LOXHD1: variants seen among roughly 807,000 people sequenced by gnomAD.
The protein encoded by LOXHD1 is lipoxygenase homology PLAT domains 1, also known as lipoxygenase homology domain-containing protein 1.
In LOXHD1, 205 loss-of-function variants were observed where a neutral mutation model predicts 248.2. The ratio of observed to expected loss-of-function variants is 0.83; its 90% CI spans 0.74 to 0.93. LOXHD1 has a LOEUF of 0.93. LOXHD1 is among the 40% of genes least tolerant of loss of function. The probability of loss-of-function intolerance (pLI) is 0.00; values close to 1 mark genes in which losing one functional copy is unlikely to be tolerated. For missense variants in LOXHD1, 2,930 were observed against 2,971.6 expected (o/e 0.99, Z 0.33); for synonymous variants, 1,113 against 1,162.8 (o/e 0.96, Z 0.87).
At chr18:46,618,125 T>A in intron 5 of LOXHD1, 67 bp downstream of exon 5, 4 of 1,197,664 alleles carry the variant, frequency 3.3e-6, no homozygotes, top group Non-Finnish European at 4.8e-6. Context: ...CTGCCAGGAT[T>A]GTGGGAACCC....
intron 28 of LOXHD1, among the ~76,000 whole-genome samples, chr18:46,532,493 A>G (rs955154899): frequency 3.3e-5 from 5 of 152,346 alleles, no homozygotes; most frequent in East Asian, 3.9e-4. Context: ...GCATGAGAAA[A>G]GAAACCAGCA....
At chr18:46,492,769 T>C (rs965688015) in intron 37 of LOXHD1, among the ~76,000 whole-genome samples, 2 of 152,200 alleles carry the variant, frequency 1.3e-5, no homozygotes, top group Non-Finnish European at 1.5e-5. Flanking sequence ...AGACAAACTA[T>C]ATCAAAATAT....
rs1386230983 is a variant in LOXHD1 at position 46,593,671 on chromosome 18, C to T, written c.1360G>A (p.Gly454Arg). 3.2e-6 allele frequency: 5 copies of T among 1,552,284 alleles called. No individual in the cohort carries two copies. The change falls in exon 10 of 41, where the codon GGG (glycine) becomes AGG (arginine). Residue 454 changes from glycine (G) to arginine (R), a missense_variant. Coordinates refer to ENST00000642948, the MANE Select transcript of LOXHD1 (RefSeq NM_001384474.1). ...TTCAGGAGAATCTCATCTGTCCGCC[C>T]CTTCTGCCCATAAATCTGGATGAAG... ...PIFIQIYGQK[G>R]RTDEILLNPN...
intron 9 of LOXHD1, 49 bp from the exon 10 acceptor site, chr18:46,593,809 T>A (rs1482348556): frequency 1.3e-6 from 2 of 1,540,870 alleles, no homozygotes; most frequent in Non-Finnish European, 1.8e-6. Flanking sequence ...GTGAAGAGAT[T>A]TTCATATTAC....
At chr18:46,654,419 G>A (rs1466319477) in intron 1 of LOXHD1, among the ~76,000 whole-genome samples, 1 of 152,234 alleles carries the variant, frequency 6.6e-6, no homozygotes, top group African/African-American at 2.4e-5. Flanking sequence ...CTGGAAGCCT[G>A]TGCAGGGTGG....
At chr18:46,644,054 T>C (rs563227187) in intron 2 of LOXHD1, among the ~76,000 whole-genome samples, 1 of 152,330 alleles carries the variant, frequency 6.6e-6, no homozygotes, top group South Asian at 2.1e-4. Context: ...CTTGTCTATA[T>C]ACATTTTTAA....
At chr18:46,487,562 A>G (rs1211760566) in intron 38 of LOXHD1, among the ~76,000 whole-genome samples, 2 of 152,214 alleles carry the variant, frequency 1.3e-5, no homozygotes, top group Non-Finnish European at 2.9e-5. Context: ...TGTGGGTTGG[A>G]TGGAGCTGAG....
chr18:46,541,972 G>A, intron 24 of LOXHD1, 32 bp from the exon 25 acceptor site: 1 of 1,535,356 alleles, frequency 6.5e-7, no homozygotes, highest in Non-Finnish European at 8.8e-7. Flanking sequence ...AACCCATCAA[G>A]GACCTGAGCA....
chr18:46,618,159 T>C (rs1194685068), intron 5 of LOXHD1, 33 bp downstream of exon 5: 2 of 1,495,792 alleles, frequency 1.3e-6, no homozygotes, highest in East Asian at 2.5e-5. Context: ...GTCCTGGGCT[T>C]GGCTTATGAA....
rs113726084 is a variant in LOXHD1 at position 46,566,599 on chromosome 18, T to C, written c.2245-150A>G. 14,537 of 720,528 alleles carry C rather than the reference T, an allele frequency of 0.02. 580 individuals are homozygous for C. Among genetic ancestry groups the C allele is most frequent in the African/African-American group, 0.13 (7,255 of 56,766 alleles). The allele number at this position is 720,528 out of a possible 1,614,324, so 44.6% of individuals were successfully genotyped here. ...GATCCATGGGAAAGCTGGAATCCCA[T>C]TCCTGCCCCACCATCAGCCAGCTGG... is the stretch of plus-strand genomic sequence containing the variant. On this transcript the variant is annotated intron_variant, in intron 16 of 40. Transcript: ENST00000642948.
intron 4 of LOXHD1, among the ~76,000 whole-genome samples, chr18:46,632,254 C>T (rs1357240643): frequency 6.6e-6 from 1 of 152,168 alleles, no homozygotes. Flanking sequence ...GGATTTGAAC[C>T]CAGGACTCCA....
intron 21 of LOXHD1, among the ~76,000 whole-genome samples, chr18:46,552,804 T>C (rs2037160807): frequency 6.6e-6 from 1 of 152,192 alleles, no homozygotes; most frequent in Admixed American, 6.5e-5. Context: ...TCTGCTCCTC[T>C]CCAGCCTCCC....
At position 46,477,866 on chromosome 18, in the gene LOXHD1, C is replaced by T. The variant is rs971338028; in HGVS notation, c.6428G>A (p.Ser2143Asn). Residue 2143 changes from serine to asparagine, a missense_variant, in exon 41 of 41, where the codon AGC becomes AAC. Ser to Asn is a conservative substitution (Grantham distance 46). Coordinates refer to ENST00000642948, the MANE Select transcript of LOXHD1 (RefSeq NM_001384474.1). ...KVFEVTKTTE[S>N]FASKVQSLVP... ...CAGGCTCTGGACCTTGCTGGCAAAG[C>T]TCTCTGTCGTCTTGGTAACCTCGAA... 5.8e-6 allele frequency: 9 copies of T among 1,551,668 alleles called. No homozygotes were observed. The highest frequency in any genetic ancestry group is 1.2e-5 in the South Asian group (1 of 84,066).
chr18:46,579,407 C>A (rs16939650), intron 13 of LOXHD1, among the ~76,000 whole-genome samples: 1 of 152,068 alleles, frequency 6.6e-6, no homozygotes, highest in Non-Finnish European at 1.5e-5. Context: ...TGAATCAGGG[C>A]GGGCCAGATA....
chr18:46,548,083 T>C (rs1306316264), intron 21 of LOXHD1, among the ~76,000 whole-genome samples: 2 of 152,248 alleles, frequency 1.3e-5, no homozygotes, highest in Non-Finnish European at 2.9e-5. Context: ...ACTGCTATTG[T>C]CGCTCTTGTA....
chr18:46,606,483 A>T (rs2038415227), intron 6 of LOXHD1, among the ~76,000 whole-genome samples: 1 of 152,212 alleles, frequency 6.6e-6, no homozygotes, highest in African/African-American at 2.4e-5. Flanking sequence ...GATGGGTTGC[A>T]GTCCAAACAC....
At chr18:46,607,902 T>C (rs962092866) in intron 6 of LOXHD1, among the ~76,000 whole-genome samples, 9 of 152,108 alleles carry the variant, frequency 5.9e-5, no homozygotes, top group Admixed American at 2.0e-4. Context: ...GAATCTAACA[T>C]ACAATAAGAA....
intron 18 of LOXHD1, among the ~76,000 whole-genome samples, chr18:46,562,422 G>A (rs949240011): frequency 6.6e-6 from 1 of 152,138 alleles, no homozygotes; most frequent in Non-Finnish European, 1.5e-5. Context: ...TTTCTCCTAA[G>A]GGGCGCCACC....
chr18:46,485,644 C>T (rs2032990882), intron 38 of LOXHD1, among the ~76,000 whole-genome samples: 1 of 152,176 alleles, frequency 6.6e-6, no homozygotes, highest in Non-Finnish European at 1.5e-5. Flanking sequence ...CAGGTGTGCA[C>T]TCCTCCAACA....
Sources: gnomAD v4.1 joint callset for allele counts (sites outside exome capture counted in the v4.1 genomes callset) on GRCh38, gnomAD v4.1.1 for gene constraint, MANE v1.5 for transcripts, NCBI Gene and HGNC (gene_info 2026-07-23, HGNC 2026-07-21) for gene names.